Variants in GOLIM4 observed in about 807,000 individuals in gnomAD.
GOLIM4 encodes the protein golgi integral membrane protein 4, also known as 130 kDa golgi-localized phosphoprotein.
GOLIM4 carries 71 observed loss-of-function variants against 107.4 expected under a neutral mutation model. That is an observed-to-expected ratio of 0.66 (90% CI 0.55 to 0.81). The LOEUF is 0.81. GOLIM4 is among the 30% of genes least tolerant of loss of function. GOLIM4 has a pLI of 0.00. For synonymous variants in GOLIM4, 327 were observed against 294.8 expected (o/e 1.11, Z -1.12); for missense variants, 830 against 826.1 (o/e 1.00, Z -0.06).
intron 8 of GOLIM4, among the ~76,000 whole-genome samples, chr3:168,035,842 G>C (rs1718617747): frequency 6.7e-6 from 1 of 149,826 alleles, no homozygotes. Flanking sequence ...TTTTATTACA[G>C]ATGATTGGAA....
intron 1 of GOLIM4, among the ~76,000 whole-genome samples, chr3:168,086,231 ATTAT>A (rs1159569474): frequency 1.3e-5 from 2 of 152,082 alleles, no homozygotes; most frequent in African/African-American, 4.8e-5. Flanking sequence ...TAATATTAAT[ATTAT>A]TTATTAATAA....
chr3:168,056,174 G>C (rs946252061), intron 1 of GOLIM4, among the ~76,000 whole-genome samples: 1 of 152,238 alleles, frequency 6.6e-6, no homozygotes, highest in Admixed American at 6.5e-5. Context: ...ATGGCTGAAA[G>C]GCACCAACAT....
rs536867013 is a variant in GOLIM4, at chr3:168,045,730, A to C, written c.313-849T>G. On this transcript the variant is annotated intron_variant, in intron 3 of 15. Coordinates refer to ENST00000470487, the MANE Select transcript of GOLIM4 (RefSeq NM_014498.5). ...TGCATTTTTTTTCATATTTTTATTA[A>C]AAACTTCTAAAATGAACTGCATTTT... Among the ~76,000 whole-genome samples the C allele has an allele frequency of 4.2e-4, 64 of 152,226 alleles. No individual in the cohort carries two copies. The South Asian group carries it at 0.013, about 31-fold the overall frequency.
intron 7 of GOLIM4, among the ~76,000 whole-genome samples, chr3:168,039,145 A>C (rs1718827021): frequency 6.6e-6 from 1 of 152,144 alleles, no homozygotes; most frequent in Admixed American, 6.5e-5. Context: ...TATGGCTCTA[A>C]TTAAGGATTG....
chr3:168,015,275 G>A (rs1358303032), intron 14 of GOLIM4, among the ~76,000 whole-genome samples: 1 of 142,834 alleles, frequency 7.0e-6, no homozygotes, highest in Non-Finnish European at 1.5e-5. Context: ...AATCATGAGT[G>A]AACTCCCATT....
At chr3:168,037,064 A>ATCTATGAATG in intron 7 of GOLIM4, 70 bp from the exon 8 acceptor site, 154 of 1,004,590 alleles carry the variant, frequency 1.5e-4, no homozygotes, top group South Asian at 1.8e-4. Context: ...ATTTGGGTAC[A>ATCTATGAATG]CTGTAAAACT....
rs1721654188 is a variant in GOLIM4, at chr3:168,086,817, T to C, written c.187+8282A>G. Among the ~76,000 whole-genome samples, 4 of 152,238 alleles carry C rather than the reference T, an allele frequency of 2.6e-5. No homozygotes were observed. The South Asian group carries it at 8.3e-4, about 32-fold the overall frequency. On this transcript the variant is annotated intron_variant, in intron 1 of 15. Coordinates refer to ENST00000470487, the MANE Select transcript of GOLIM4 (RefSeq NM_014498.5). ...CCAATAAAAACAAAGAACACAAATA[T>C]ACCATTCAGAAATACACAGCACTGT...
chr3:168,046,873 G>T, intron 3 of GOLIM4, 77 bp downstream of exon 3: 1 of 736,118 alleles, frequency 1.4e-6, no homozygotes, highest in Non-Finnish European at 2.2e-6. Context: ...GTTCGCAACT[G>T]TATTTCTCTC....
At chr3:168,035,673 T>A (rs567661013) in intron 8 of GOLIM4, among the ~76,000 whole-genome samples, 1 of 152,186 alleles carries the variant, frequency 6.6e-6, no homozygotes, top group Non-Finnish European at 1.5e-5. Context: ...AGCAGGAATA[T>A]AGCTAATGGG....
At chr3:168,050,488 G>A (rs1405219928) in intron 1 of GOLIM4, among the ~76,000 whole-genome samples, 2 of 152,046 alleles carry the variant, frequency 1.3e-5, no homozygotes, top group East Asian at 1.9e-4. Context: ...CTGAGGTGGG[G>A]GAAACATATA....
chr3:168,030,017 G>A lies in GOLIM4; in HGVS notation c.1196C>T (p.Pro399Leu). ...ARAEVYPSAK[P>L]MIKFQSPYEE... The stretch of plus-strand genomic sequence containing the variant: ...ATAGGGTGATTGGAATTTGATCATT[G>A]GCTTGGCTGAAGGGTACACCTAGGG... The change falls in exon 10 of 16, where the codon CCA becomes CTA. Residue 399 changes from proline to leucine, a missense_variant. By Grantham distance (98) the Pro-to-Leu change is moderately conservative. Transcript: ENST00000470487. 1.2e-6 allele frequency: 2 copies of A among 1,614,140 alleles called. No individual in the cohort carries two copies. Among genetic ancestry groups the A allele is most frequent in the Non-Finnish European group, 1.7e-6 (2 of 1,180,000 alleles).
chr3:168,031,754 C>T lies in GOLIM4; in HGVS notation c.1176+766G>A, dbSNP rs565062157. ...CTTGAAGTCTCAGAAAATCTGAGGC[C>T]GAATAAAACTTCAGAGTTATAAATA... On this transcript the variant is annotated intron_variant, in intron 9 of 15. Transcript: ENST00000470487. Among the ~76,000 whole-genome samples, 8 of 152,148 alleles carry T rather than the reference C, an allele frequency of 5.3e-5. No homozygotes were observed. The East Asian group carries it at 5.8e-4, about 11-fold the overall frequency.
chr3:168,040,884 ATTTTACAT>A lies in GOLIM4; in HGVS notation c.601-23_601-16del, dbSNP rs1286744287. On this transcript the variant is annotated splice_polypyrimidine_tract_variant and intron_variant, in intron 6 of 15. Coordinates refer to ENST00000470487, the MANE Select transcript of GOLIM4 (RefSeq NM_014498.5). ...TTATGCTGTTGCTACACAAAAAAGA[ATTTTACAT>A]GTTGAGCTTTAACATTCTACGACAA... The A allele has an allele frequency of 6.4e-7, 1 of 1,550,874 alleles. No homozygotes were observed.
chr3:168,036,818 C>A lies in GOLIM4; in HGVS notation c.843+18G>T. 6.3e-7 allele frequency: 1 copy of A among 1,579,350 alleles called. No individual in the cohort carries two copies. On this transcript the variant is annotated intron_variant, in intron 8 of 15. Transcript: ENST00000470487. ...GAGAAAGTGACCTAACCATAGATTA[C>A]CAGTTCACGCCCCTTACCTCCTGCA...
chr3:168,053,871 T>G (rs909629504), intron 1 of GOLIM4, among the ~76,000 whole-genome samples: 1 of 151,938 alleles, frequency 6.6e-6, no homozygotes. Flanking sequence ...ATACTGGAGA[T>G]CTCCTAGAAA....
chr3:168,026,346 A>G (rs1022292902), intron 12 of GOLIM4, among the ~76,000 whole-genome samples: 4 of 152,204 alleles, frequency 2.6e-5, no homozygotes, highest in African/African-American at 7.2e-5. Flanking sequence ...AAAGTACCAA[A>G]TATCTTTTGC....
At chr3:168,049,359 T>C (rs1412718597) in intron 1 of GOLIM4, among the ~76,000 whole-genome samples, 1 of 152,218 alleles carries the variant, frequency 6.6e-6, no homozygotes, top group Non-Finnish European at 1.5e-5. Context: ...TTTTTTGCTT[T>C]TAATCTGAGA....
intron 1 of GOLIM4, among the ~76,000 whole-genome samples, chr3:168,083,967 T>C (rs1721496030): frequency 1.3e-5 from 2 of 152,196 alleles, no homozygotes; most frequent in Admixed American, 1.3e-4. Flanking sequence ...ACCTTCACTT[T>C]TATCTTCAGT....
At chr3:168,068,270 T>C (rs1356180196) in intron 1 of GOLIM4, among the ~76,000 whole-genome samples, 1 of 152,134 alleles carries the variant, frequency 6.6e-6, no homozygotes, top group Non-Finnish European at 1.5e-5. Context: ...CATTTTTCTG[T>C]TAGGCTTCCA....
Sources: gnomAD v4.1 joint callset for allele counts (sites outside exome capture counted in the v4.1 genomes callset) on GRCh38, gnomAD v4.1.1 for gene constraint, MANE v1.5 for transcripts, NCBI Gene and HGNC (gene_info 2026-07-23, HGNC 2026-07-21) for gene names.